LIMS1: variants seen among roughly 807,000 people sequenced by gnomAD.
LIMS1 encodes the protein LIM zinc finger domain containing 1, also known as LIM and senescent cell antigen-like-containing domain protein 1.
LIMS1 carries 18 observed loss-of-function variants against 44.1 expected under a neutral mutation model. The observed-to-expected ratio is 0.41, with a 90% confidence interval of 0.28 to 0.61. The LOEUF (loss-of-function observed/expected upper bound fraction) is 0.61, where lower values mean the gene tolerates loss of function less well. LIMS1 is among the 20% of genes least tolerant of loss of function. LIMS1 has a pLI of 0.32. For missense variants in LIMS1, 201 were observed against 422.0 expected, an observed-to-expected ratio of 0.48 and a Z score of 4.59; for synonymous variants, 93 against 149.1, an observed-to-expected ratio of 0.62 and a Z score of 2.74.
intron 1 of LIMS1, among the ~76,000 whole-genome samples, chr2:108,595,606 T>C (rs950001976): frequency 2.0e-5 from 3 of 152,198 alleles, no homozygotes; most frequent in African/African-American, 7.2e-5. Flanking sequence ...GTTTTTCCCA[T>C]TGTACTTGGT....
chr2:108,663,886 C>T (rs1021600533), intron 2 of LIMS1, among the ~76,000 whole-genome samples: 1 of 152,022 alleles, frequency 6.6e-6, no homozygotes, highest in Non-Finnish European at 1.5e-5. Flanking sequence ...TCCCAAGTAG[C>T]TGGGATTACA....
chr2:108,540,152 T>C (rs926057339), intron 1 of LIMS1, among the ~76,000 whole-genome samples: 1 of 151,880 alleles, frequency 6.6e-6, no homozygotes, highest in Admixed American at 6.6e-5. Context: ...GTTTTGTGAA[T>C]GTTTCTAATT....
At chr2:108,594,313 A>C (rs1239238378) in intron 1 of LIMS1, among the ~76,000 whole-genome samples, 1 of 152,208 alleles carries the variant, frequency 6.6e-6, no homozygotes, top group Non-Finnish European at 1.5e-5. Flanking sequence ...TTCCATGACT[A>C]ACCCCAAGAT....
chr2:108,551,158 G>A lies in LIMS1; in HGVS notation c.32+16564G>A, dbSNP rs1031378178. 4.6e-5 allele frequency among the ~76,000 whole-genome samples: 7 copies of A among 151,726 alleles called. No individual in the cohort carries two copies. The East Asian group carries it at 7.7e-4, about 17-fold the overall frequency. ...CAAAAACAAACTCACACACAGCTTC[G>A]TTGAAGTATAATTTAAATGCTATAA... is the stretch of plus-strand genomic sequence containing the variant. On this transcript the variant is annotated intron_variant, in intron 1 of 9. Coordinates refer to ENST00000544547, the Ensembl canonical transcript of LIMS1.
intron 1 of LIMS1, chr2:108,659,081 G>T (rs1691138999): frequency 2.3e-6 from 2 of 875,532 alleles, no homozygotes; most frequent in Non-Finnish European, 2.7e-6. Context: ...GGGCATCTTG[G>T]CTGGTTTTAA....
At chr2:108,652,670 A>G (rs796118867) in intron 1 of LIMS1, among the ~76,000 whole-genome samples, 1 of 152,192 alleles carries the variant, frequency 6.6e-6, no homozygotes, top group Non-Finnish European at 1.5e-5. Context: ...GCACACATGC[A>G]TTGTTGCAAT....
At chr2:108,642,783 G>A (rs1438265324) in intron 1 of LIMS1, among the ~76,000 whole-genome samples, 2 of 152,178 alleles carry the variant, frequency 1.3e-5, no homozygotes, top group East Asian at 1.9e-4. Flanking sequence ...ATATCTCCAA[G>A]TAGCTTATTT....
chr2:108,681,971 T>A (rs1269398708), intron 9 of LIMS1, among the ~76,000 whole-genome samples: 7 of 152,338 alleles, frequency 4.6e-5, no homozygotes, highest in Middle Eastern at 3.4e-3. Context: ...TCTTCTGTGA[T>A]GTTCGAATGT....
At chr2:108,595,621 TTTG>T (rs569763925) in intron 1 of LIMS1, among the ~76,000 whole-genome samples, 65 of 152,184 alleles carry the variant, frequency 4.3e-4, no homozygotes, top group Non-Finnish European at 5.0e-4. Flanking sequence ...CTTGGTTTAT[TTTG>T]TTGTTGTTGT....
At chr2:108,540,445 G>A (rs1476351216) in intron 1 of LIMS1, among the ~76,000 whole-genome samples, 3 of 151,972 alleles carry the variant, frequency 2.0e-5, no homozygotes, top group African/African-American at 4.8e-5. Flanking sequence ...TGATCTGCCC[G>A]CCTCGGCCTC....
chr2:108,625,937 T>TA (rs1435607351), intron 1 of LIMS1, among the ~76,000 whole-genome samples: 2 of 152,354 alleles, frequency 1.3e-5, no homozygotes, highest in Admixed American at 6.5e-5. Flanking sequence ...ACATAACCAT[T>TA]AATTGAACCC....
chr2:108,593,701 C>T (rs1686521938), intron 1 of LIMS1, among the ~76,000 whole-genome samples: 1 of 152,222 alleles, frequency 6.6e-6, no homozygotes, highest in Non-Finnish European at 1.5e-5. Flanking sequence ...GCCTAGCACA[C>T]TGCTAGCAAC....
chr2:108,562,447 C>T (rs1685155269), intron 1 of LIMS1, among the ~76,000 whole-genome samples: 1 of 152,164 alleles, frequency 6.6e-6, no homozygotes, highest in African/African-American at 2.4e-5. Flanking sequence ...CCAGTGAAAA[C>T]ACAAATGATA....
chr2:108,615,513 A>G (rs556191340), intron 1 of LIMS1, among the ~76,000 whole-genome samples: 7 of 152,088 alleles, frequency 4.6e-5, no homozygotes, highest in African/African-American at 1.2e-4. Context: ...TGTGGTCCTT[A>G]TCTACTCTAG....
At chr2:108,653,547 G>A (rs1048257462) in intron 1 of LIMS1, among the ~76,000 whole-genome samples, 2 of 152,140 alleles carry the variant, frequency 1.3e-5, no homozygotes, top group African/African-American at 4.8e-5. Flanking sequence ...ACACTGCCCT[G>A]AGAGGATGGG....
chr2:108,549,279 CTTTTTTTTTTTTTTTTT>C (rs71381966), intron 1 of LIMS1, among the ~76,000 whole-genome samples: 13 of 55,784 alleles, frequency 2.3e-4, no homozygotes, highest in South Asian at 7.6e-4. Flanking sequence ...TAAAGTGTTT[CTTTTTTTTTTTTTTTTT>C]TTTTTTTTTT....
chr2:108,649,834 G>C (rs573983168), intron 1 of LIMS1, among the ~76,000 whole-genome samples: 18 of 152,244 alleles, frequency 1.2e-4, no homozygotes, highest in African/African-American at 3.1e-4. Context: ...GGGGGATAGG[G>C]GAGGGATAGC....
intron 1 of LIMS1, among the ~76,000 whole-genome samples, chr2:108,625,577 T>TCC (rs551605062): frequency 5.1e-5 from 7 of 137,312 alleles, no homozygotes; most frequent in African/African-American, 1.9e-4. Flanking sequence ...AGAATATGAA[T>TCC]CCCCCCCCCC....
intron 1 of LIMS1, among the ~76,000 whole-genome samples, chr2:108,572,805 A>G (rs1007061414): frequency 2.6e-5 from 4 of 152,106 alleles, no homozygotes; most frequent in African/African-American, 9.7e-5. Context: ...ATTTTGAGAA[A>G]CACTGTCTTA....
Sources: allele counts gnomAD v4.1 joint callset (sites outside exome capture counted in the v4.1 genomes callset), GRCh38; gene constraint gnomAD v4.1.1; transcripts MANE v1.5; gene names NCBI Gene and HGNC (gene_info 2026-07-23, HGNC 2026-07-21).